Variants in TMEM178B observed in about 807,000 individuals in gnomAD.
TMEM178B encodes the protein transmembrane protein 178B.
Under a neutral mutation model 31.0 loss-of-function variants are expected in TMEM178B, and 5 were observed. That is an observed-to-expected ratio of 0.16 (90% CI 0.08 to 0.34). The LOEUF is 0.34. TMEM178B is among the 10% of genes least tolerant of loss of function. The probability of loss-of-function intolerance (pLI) is 1.00; values close to 1 mark genes in which losing one functional copy is unlikely to be tolerated. For missense variants in TMEM178B, 275 were observed against 400.3 expected, an observed-to-expected ratio of 0.69 and a Z score of 2.67; for synonymous variants, 164 against 164.0, an observed-to-expected ratio of 1.00 and a Z score of 0.00.
Position 141,344,840 on chromosome 7 carries a change from C to T in TMEM178B, c.497-92768C>T, listed in dbSNP as rs889005670. Among the ~76,000 whole-genome samples, 4 of 152,154 alleles carry T rather than the reference C, an allele frequency of 2.6e-5. 1 individual carries two copies. The highest frequency in any genetic ancestry group is 5.9e-5 in the Non-Finnish European group (4 of 68,046). On this transcript the variant is annotated intron_variant, in intron 2 of 3. Coordinates refer to ENST00000565468, the MANE Select transcript of TMEM178B (RefSeq NM_001195278.2). This position sits in a 1 kb window ranked among gnomAD's most constrained non-coding sequence, Gnocchi z 4.1. ...TGTCTGTTAACTGTGGCTCTGCCAC[C>T]GGCTGGCTGTGGAAGCTGTGGGAGT...
chr7:141,369,934 A>C (rs1476410840), intron 2 of TMEM178B, among the ~76,000 whole-genome samples: 4 of 152,254 alleles, frequency 2.6e-5, no homozygotes, highest in Non-Finnish European at 5.9e-5. Flanking sequence ...TAAAAGCAAC[A>C]ACAAGGAAAA....
At chr7:141,505,948 C>T in the TMEM178B span, among the ~76,000 whole-genome samples, 2 of 152,260 alleles carry the variant, frequency 1.3e-5, no homozygotes, top group African/African-American at 4.8e-5. Flanking sequence ...CTCAGGCTCT[C>T]CACTGCAAGG....
At chr7:141,206,283 G>T (rs1280163524) in intron 1 of TMEM178B, among the ~76,000 whole-genome samples, 1 of 152,200 alleles carries the variant, frequency 6.6e-6, no homozygotes, top group Non-Finnish European at 1.5e-5. Context: ...GGACCTCTAG[G>T]AAGGAAGAAT....
intron 3 of TMEM178B, among the ~76,000 whole-genome samples, chr7:141,459,149 C>T (rs1041944211): frequency 3.9e-5 from 6 of 152,206 alleles, no homozygotes; most frequent in Non-Finnish European, 8.8e-5. Flanking sequence ...CCTGCCTCAG[C>T]CTCCCGAGTA....
intron 1 of TMEM178B, among the ~76,000 whole-genome samples, chr7:141,143,143 T>C (rs1026923774): frequency 6.6e-6 from 1 of 152,230 alleles, no homozygotes; most frequent in African/African-American, 2.4e-5. Context: ...ATGCATAGTT[T>C]GCAAATATTC....
At chr7:141,302,723 T>C (rs112100174) in intron 2 of TMEM178B, among the ~76,000 whole-genome samples, 2,007 of 152,280 alleles carry the variant, frequency 0.013, 51 homozygotes, top group African/African-American at 0.045. Flanking sequence ...ACAAAACTTA[T>C]CTACTACTGT....
chr7:141,253,201 G>T (rs932327736), intron 2 of TMEM178B, among the ~76,000 whole-genome samples: 1 of 152,138 alleles, frequency 6.6e-6, no homozygotes, highest in African/African-American at 2.4e-5. Flanking sequence ...CTTCCCCCTT[G>T]TTGCCAGTCC....
At chr7:141,095,762 A>G (rs1794949608) in intron 1 of TMEM178B, among the ~76,000 whole-genome samples, 1 of 152,220 alleles carries the variant, frequency 6.6e-6, no homozygotes, top group Non-Finnish European at 1.5e-5. Flanking sequence ...CCTGAGGCTC[A>G]AAAATGTTTA....
rs79921307 is a variant in TMEM178B at position 141,086,978 on chromosome 7, G to A, written c.382+12286G>A. 3.7e-3 allele frequency among the ~76,000 whole-genome samples: 568 copies of A among 152,064 alleles called. 25 individuals are homozygous for A. The East Asian group carries it at 0.089, about 24-fold the overall frequency. ...GCTAGGATTACAGGTGTGAGCCACC[G>A]CATCTGGCCTGATATTTTGTTTTTT... On this transcript the variant is annotated intron_variant, in intron 1 of 3. Coordinates refer to ENST00000565468, the MANE Select transcript of TMEM178B (RefSeq NM_001195278.2).
chr7:141,423,805 GTTTTTTTTTTTT>G (rs5888005), intron 2 of TMEM178B, among the ~76,000 whole-genome samples: 1 of 108,798 alleles, frequency 9.2e-6, no homozygotes, highest in Admixed American at 1.0e-4. Flanking sequence ...TGACATTTGT[GTTTTTTTTTTTT>G]TTTTTTTTTG....
At chr7:141,125,084 A>G (rs1269184285) in intron 1 of TMEM178B, among the ~76,000 whole-genome samples, 1 of 152,184 alleles carries the variant, frequency 6.6e-6, no homozygotes, top group East Asian at 1.9e-4. Flanking sequence ...TTGTCCAAGG[A>G]ATAAAAAAAA....
At chr7:141,217,419 C>CG (rs1310053590) in intron 2 of TMEM178B, among the ~76,000 whole-genome samples, 1 of 152,180 alleles carries the variant, frequency 6.6e-6, no homozygotes, top group Non-Finnish European at 1.5e-5. Flanking sequence ...GGGAAGATGT[C>CG]GCTGAGAGGT....
At chr7:141,210,236 G>A (rs1195939941) in intron 1 of TMEM178B, among the ~76,000 whole-genome samples, 3 of 152,088 alleles carry the variant, frequency 2.0e-5, no homozygotes, top group East Asian at 3.9e-4. Context: ...AGGCCGAGGC[G>A]GGTGGATCAC....
chr7:141,185,934 T>G (rs1245590896), intron 1 of TMEM178B, among the ~76,000 whole-genome samples: 1 of 152,112 alleles, frequency 6.6e-6, no homozygotes, highest in African/African-American at 2.4e-5. Flanking sequence ...TCTCTGTAGA[T>G]GAACTTAATT....
Position 141,437,752 on chromosome 7 carries a change from C to T in TMEM178B, c.634+7C>T, listed in dbSNP as rs1228030946. The T allele has an allele frequency of 5.9e-6, 9 of 1,536,138 alleles. No homozygotes were observed. The highest frequency in any genetic ancestry group is 2.0e-5 in the Admixed American group (1 of 51,000). On this transcript the variant is annotated splice_region_variant and intron_variant, in intron 3 of 3. Coordinates refer to ENST00000565468, the MANE Select transcript of TMEM178B (RefSeq NM_001195278.2). The stretch of plus-strand genomic sequence containing the variant: ...CTGCTCTTCCTCATGGGAGGTAAGG[C>T]TACGGGCTCGGCTTGTGGGTGGCAG...
rs1366969328 is a variant in TMEM178B at position 141,470,805 on chromosome 7, CATATATATATATAAAT to C, written c.*31_*46del. 4 of 1,104,438 alleles carry C rather than the reference CATATATATATATAAAT, an allele frequency of 3.6e-6. No individual in the cohort carries two copies. In the African/African-American group the frequency reaches 6.7e-5, roughly 18 times the overall value. 68.4% of individuals were successfully genotyped at this position (1,104,438 alleles called of 1,614,324 possible). On this transcript the variant is annotated 3_prime_UTR_variant, in exon 4 of 4. Transcript: ENST00000565468. Reference sequence around the variant, plus strand: ...GTGCTAAAAAACAAACCCATACATACATATATATATATAAATATATATATATAATATACATATATAA... The same window carrying C: ...GTGCTAAAAAACAAACCCATACATACATATATATATAATATACATATATAA...
chr7:141,114,105 C>T (rs1287770213), intron 1 of TMEM178B, among the ~76,000 whole-genome samples: 1 of 152,184 alleles, frequency 6.6e-6, no homozygotes, highest in Non-Finnish European at 1.5e-5. Context: ...TATGTGAAGG[C>T]CCTAAGGGAG....
intron 1 of TMEM178B, among the ~76,000 whole-genome samples, chr7:141,151,162 T>C (rs2129180493): frequency 6.6e-6 from 1 of 152,310 alleles, no homozygotes; most frequent in African/African-American, 2.4e-5. Flanking sequence ...TCACTGACTC[T>C]CCCCTTGGCG....
intron 1 of TMEM178B, among the ~76,000 whole-genome samples, chr7:141,145,045 T>G (rs1383474864): frequency 6.6e-6 from 1 of 152,148 alleles, no homozygotes; most frequent in African/African-American, 2.4e-5. Flanking sequence ...TCTGAGGAAA[T>G]TATTCTAAGG....
Sources: allele counts gnomAD v4.1 joint callset (sites outside exome capture counted in the v4.1 genomes callset), GRCh38; gene constraint gnomAD v4.1.1; non-coding constraint Gnocchi (gnomAD v3.1); transcripts MANE v1.5; gene names NCBI Gene and HGNC (gene_info 2026-07-23, HGNC 2026-07-21).